OPCML: variants seen among roughly 807,000 people sequenced by gnomAD.
OPCML encodes the protein opioid-binding protein/cell adhesion molecule.
In OPCML, 13 loss-of-function variants were observed where a neutral mutation model predicts 37.8. The ratio of observed to expected loss-of-function variants is 0.34; its 90% CI spans 0.22 to 0.55. OPCML has a LOEUF of 0.55. OPCML is among the 20% of genes least tolerant of loss of function. The pLI is 0.91. For missense variants in OPCML, 341 were observed against 435.6 expected, an observed-to-expected ratio of 0.78 and a Z score of 1.93; for synonymous variants, 176 against 168.8, an observed-to-expected ratio of 1.04 and a Z score of -0.33.
intron 1 of OPCML, among the ~76,000 whole-genome samples, chr11:133,092,831 G>C (rs1349164035): frequency 6.6e-6 from 1 of 151,120 alleles, no homozygotes; most frequent in East Asian, 1.9e-4. Flanking sequence ...GGTGGAAAGA[G>C]AAAGGAGAGA....
chr11:132,550,128 G>A (rs117462036), intron 3 of OPCML, among the ~76,000 whole-genome samples: 161 of 152,266 alleles, frequency 1.1e-3, no homozygotes, highest in Non-Finnish European at 2.0e-3. Context: ...TGACAGCTGA[G>A]ATCATATAAA....
chr11:133,140,784 C>T (rs62644104), intron 1 of OPCML, among the ~76,000 whole-genome samples: 60 of 28,726 alleles, frequency 2.1e-3, no homozygotes, highest in African/African-American at 4.7e-3. Context: ...AAGAAGAAGA[C>T]GACGAAGAAG....
At chr11:133,420,709 C>T (rs1440677665) in intron 1 of OPCML, 1 of 985,234 alleles carries the variant, frequency 1.0e-6, no homozygotes, top group African/African-American at 1.7e-5. Context: ...CTAAATTGTC[C>T]AGTGGCATGT....
At position 132,574,580 on chromosome 11, in the gene OPCML, C is replaced by T. The variant is rs995646657; in HGVS notation, c.380-45394G>A. Among the ~76,000 whole-genome samples the T allele has an allele frequency of 2.0e-5, 3 of 151,634 alleles. No individual in the cohort carries two copies. The East Asian group carries it at 5.8e-4, about 29-fold the overall frequency. Reference sequence around the variant, plus strand: ...TTTTTATGAAGTTTTAAATTTTTCTCCTAATATTAGTTTCCAGTTTCATCT... The same window carrying T: ...TTTTTATGAAGTTTTAAATTTTTCTTCTAATATTAGTTTCCAGTTTCATCT... On this transcript the variant is annotated intron_variant, in intron 3 of 7. Coordinates refer to ENST00000524381, the MANE Select transcript of OPCML (RefSeq NM_001012393.5).
At chr11:132,559,302 A>T (rs2137491548) in intron 3 of OPCML, among the ~76,000 whole-genome samples, 1 of 152,252 alleles carries the variant, frequency 6.6e-6, no homozygotes, top group Admixed American at 6.5e-5. Context: ...CTACAAGGTT[A>T]TGGGTAATAA....
At chr11:133,082,570 TCTC>T (rs1948746744) in intron 1 of OPCML, among the ~76,000 whole-genome samples, 1 of 123,546 alleles carries the variant, frequency 8.1e-6, no homozygotes, top group Non-Finnish European at 1.8e-5. Flanking sequence ...CTTCCCCTCC[TCTC>T]CTCCTCATCC....
chr11:133,143,930 T>C (rs946821509), intron 1 of OPCML, among the ~76,000 whole-genome samples: 2 of 152,188 alleles, frequency 1.3e-5, no homozygotes, highest in African/African-American at 4.8e-5. Flanking sequence ...GGTGGAGGGC[T>C]CTTGAGATGC....
chr11:133,404,939 T>C lies in OPCML; in HGVS notation c.61+127325A>G, dbSNP rs78572871. 6.0e-3 allele frequency among the ~76,000 whole-genome samples: 914 copies of C among 152,328 alleles called. 9 individuals are homozygous for C. Among genetic ancestry groups the C allele is most frequent in the African/African-American group, 0.021 (856 of 41,570 alleles). ...ACATATGTAGAAATTATGGGAATCATAGCAGGAAAATGGAACTTGACATTT... is the reference window on the plus strand; with the variant it reads ...ACATATGTAGAAATTATGGGAATCACAGCAGGAAAATGGAACTTGACATTT... On this transcript the variant is annotated intron_variant, in intron 1 of 7. Coordinates refer to ENST00000524381, the MANE Select transcript of OPCML (RefSeq NM_001012393.5).
At chr11:132,434,472 C>T (rs963776709) in intron 7 of OPCML, among the ~76,000 whole-genome samples, 9 of 152,012 alleles carry the variant, frequency 5.9e-5, no homozygotes, top group East Asian at 3.9e-4. Flanking sequence ...TCTTTGCTGA[C>T]GCTGTGGGCA....
chr11:133,389,560 T>A (rs1287190792), intron 1 of OPCML, among the ~76,000 whole-genome samples: 1 of 152,212 alleles, frequency 6.6e-6, no homozygotes, highest in African/African-American at 2.4e-5. Context: ...ATAAAATAGA[T>A]GTTCACAGGT....
At chr11:132,663,978 G>A (rs532025471) in intron 2 of OPCML, among the ~76,000 whole-genome samples, 1 of 152,126 alleles carries the variant, frequency 6.6e-6, no homozygotes, top group Non-Finnish European at 1.5e-5. Context: ...GATTACAGGC[G>A]CCCGCCACCA....
chr11:132,735,499 T>C (rs1945223649), intron 2 of OPCML, among the ~76,000 whole-genome samples: 1 of 152,126 alleles, frequency 6.6e-6, no homozygotes, highest in Non-Finnish European at 1.5e-5. Flanking sequence ...TGTTGTTTTT[T>C]TTCTTGAGAC....
intron 1 of OPCML, chr11:133,005,498 A>G: frequency 2.0e-6 from 2 of 985,334 alleles, no homozygotes; most frequent in South Asian, 4.7e-5. Context: ...GGCAGGTCAT[A>G]TTTGGTAGAG....
chr11:132,968,550 T>C (rs1946266703), intron 1 of OPCML, among the ~76,000 whole-genome samples: 1 of 152,184 alleles, frequency 6.6e-6, no homozygotes, highest in African/African-American at 2.4e-5. Context: ...CATTAATCCA[T>C]GAAGCCATGA....
At chr11:133,166,132 G>A (rs1247046810) in intron 1 of OPCML, among the ~76,000 whole-genome samples, 1 of 152,150 alleles carries the variant, frequency 6.6e-6, no homozygotes, top group East Asian at 1.9e-4. Flanking sequence ...TTAACCAGCA[G>A]TAACTAAGCT....
At chr11:132,701,464 C>T (rs1943814795) in intron 2 of OPCML, among the ~76,000 whole-genome samples, 1 of 152,148 alleles carries the variant, frequency 6.6e-6, no homozygotes, top group African/African-American at 2.4e-5. Context: ...TATAGCCACA[C>T]CTGCTTCCTT....
chr11:132,932,848 G>A (rs1348819779), intron 2 of OPCML, among the ~76,000 whole-genome samples: 1 of 151,934 alleles, frequency 6.6e-6, no homozygotes, highest in Admixed American at 6.6e-5. Context: ...GCCCAGTGAA[G>A]TGGATATCTA....
chr11:132,943,194 G>T lies in OPCML; in HGVS notation c.62-184C>A. 1.9e-6 allele frequency: 3 copies of T among 1,558,388 alleles called. No homozygotes were observed. The highest frequency in any genetic ancestry group is 2.6e-6 in the Non-Finnish European group (3 of 1,144,290). ...GGAAGCGGTGCGGGGAGGAGGGAAGGGGCAGAGTTCGCCAGGAGCAGGGGG... is the reference window on the plus strand; with the variant it reads ...GGAAGCGGTGCGGGGAGGAGGGAAGTGGCAGAGTTCGCCAGGAGCAGGGGG... On this transcript the variant is annotated intron_variant, in intron 1 of 7. Transcript: ENST00000524381. The surrounding 1 kb of genome is among the most constrained non-coding windows in gnomAD (Gnocchi z 4.3).
chr11:132,533,135 T>A (rs2096330700), intron 3 of OPCML, among the ~76,000 whole-genome samples: 1 of 152,324 alleles, frequency 6.6e-6, no homozygotes, highest in African/African-American at 2.4e-5. Context: ...AGAGTTTAAC[T>A]AAAGGATAAT....
Sources: gnomAD v4.1 joint callset for allele counts (sites outside exome capture counted in the v4.1 genomes callset) on GRCh38, gnomAD v4.1.1 for gene constraint, Gnocchi (gnomAD v3.1) non-coding constraint, MANE v1.5 for transcripts, NCBI Gene and HGNC (gene_info 2026-07-23, HGNC 2026-07-21) for gene names.